Variants in GRB2 observed in about 807,000 individuals in gnomAD.
The protein encoded by GRB2 is growth factor receptor-bound protein 2.
GRB2 carries 2 observed loss-of-function variants against 27.4 expected under a neutral mutation model. The observed-to-expected ratio is 0.07, with a 90% CI of 0.03 to 0.23. The LOEUF is 0.23. Ranked by LOEUF, GRB2 falls within the 10% of genes least tolerant of loss-of-function variation. The probability of loss-of-function intolerance (pLI) is 1.00; values close to 1 mark genes in which losing one functional copy is unlikely to be tolerated. For synonymous variants in GRB2, 94 were observed against 99.6 expected (o/e 0.94, Z 0.33); for missense variants, 102 against 282.4 (o/e 0.36, Z 4.58).
intron 2 of GRB2, among the ~76,000 whole-genome samples, chr17:75,347,750 C>G (rs1320254648): frequency 6.6e-6 from 1 of 152,200 alleles, no homozygotes; most frequent in Non-Finnish European, 1.5e-5. Context: ...TGAGCTGGTG[C>G]GCAACCAAGA....
chr17:75,339,051 C>G, intron 2 of GRB2: 1 of 1,292,226 alleles, frequency 7.7e-7, no homozygotes, highest in Non-Finnish European at 1.1e-6. Context: ...GCGTTGAGCC[C>G]AACTGCAGAT....
intron 2 of GRB2, chr17:75,372,720 C>T (rs1179190407): frequency 1.3e-5 from 2 of 152,144 alleles, no homozygotes; most frequent in Non-Finnish European, 2.9e-5. Context: ...AATTTTTAGC[C>T]TAATATAAAT....
At position 75,388,583 on chromosome 17, in the gene GRB2, TG is replaced by T. The variant is rs59379896; in HGVS notation, c.78+4967del. 2.2e-3 allele frequency among the ~76,000 whole-genome samples: 189 copies of T among 86,266 alleles called. 3 individuals are homozygous for T. The highest frequency in any genetic ancestry group is 5.0e-3 in the African/African-American group (113 of 22,532). 56.6% of individuals were successfully genotyped at this position (86,266 alleles called of 152,430 possible). A position where few individuals can be genotyped will look rare whatever the true frequency, so the allele number is the denominator to read the frequency against. ...TACTGATACTAGGACTTTAAAATAG[TG>T]GGGGGGGGGAAGAAAAACACTTTTT... is the stretch of plus-strand genomic sequence containing the variant. On this transcript the variant is annotated intron_variant, in intron 2 of 5. Coordinates refer to ENST00000316804, the MANE Select transcript of GRB2 (RefSeq NM_002086.5).
intron 2 of GRB2, among the ~76,000 whole-genome samples, chr17:75,351,694 CAAAGAG>C (rs1023202210): frequency 6.6e-5 from 10 of 151,632 alleles, no homozygotes; most frequent in East Asian, 1.9e-4. Context: ...TAAACAAAGA[CAAAGAG>C]AAAGAAAATA....
At chr17:75,332,883 A>C (rs1326814846) in intron 2 of GRB2, 86 bp from the exon 3 acceptor site, 2 of 846,822 alleles carry the variant, frequency 2.4e-6, no homozygotes, top group African/African-American at 3.4e-5. Flanking sequence ...GCTATCTTTT[A>C]GGTCTGTGAA....
chr17:75,336,891 C>G lies in GRB2; in HGVS notation c.79-4094G>C, dbSNP rs1411799362. 2.6e-5 allele frequency among the ~76,000 whole-genome samples: 4 copies of G among 152,112 alleles called. No homozygotes were observed. The East Asian group carries it at 7.7e-4, about 29-fold the overall frequency. The stretch of plus-strand genomic sequence containing the variant: ...TAGCTGGGATTACAGGCATGCGCCA[C>G]TATACCCAGCTGATTTTTGTACTTT... On this transcript the variant is annotated intron_variant, in intron 2 of 5. Coordinates refer to ENST00000316804, the MANE Select transcript of GRB2 (RefSeq NM_002086.5).
intron 2 of GRB2, among the ~76,000 whole-genome samples, chr17:75,390,882 A>G (rs1445970887): frequency 3.3e-5 from 5 of 152,240 alleles, no homozygotes; most frequent in African/African-American, 4.8e-5. Flanking sequence ...GAAGGCATAT[A>G]TATGCCTATT....
chr17:75,327,433 C>T (rs376227919), intron 3 of GRB2, among the ~76,000 whole-genome samples: 4 of 147,288 alleles, frequency 2.7e-5, no homozygotes, highest in South Asian at 2.2e-4. Context: ...TGCAGTGGCA[C>T]GATCTCGGCT....
chr17:75,349,405 C>T (rs2078674753), intron 2 of GRB2, among the ~76,000 whole-genome samples: 1 of 151,902 alleles, frequency 6.6e-6, no homozygotes, highest in Admixed American at 6.6e-5. Context: ...CCTGCTAAGG[C>T]TGTAAAACCT....
chr17:75,359,909 GTGTT>G (rs1267881368), intron 2 of GRB2, among the ~76,000 whole-genome samples: 1 of 151,546 alleles, frequency 6.6e-6, no homozygotes, highest in Non-Finnish European at 1.5e-5. Flanking sequence ...CATTCAATAA[GTGTT>G]TGACTTGTCT....
intron 3 of GRB2, among the ~76,000 whole-genome samples, chr17:75,327,959 G>C (rs1290349034): frequency 2.6e-5 from 4 of 152,040 alleles, no homozygotes; most frequent in Non-Finnish European, 2.9e-5. Context: ...TCAAGGCTAG[G>C]GCCTGCAGTG....
At chr17:75,323,768 A>G (rs190161609) in intron 4 of GRB2, among the ~76,000 whole-genome samples, 72 of 151,882 alleles carry the variant, frequency 4.7e-4, no homozygotes, top group Admixed American at 2.0e-3. Flanking sequence ...GTCAGTATAA[A>G]ACTAAAGAAA....
chr17:75,321,169 C>CTTTTTTT (rs61287852), intron 5 of GRB2, among the ~76,000 whole-genome samples: 9 of 120,064 alleles, frequency 7.5e-5, no homozygotes, highest in Admixed American at 1.7e-4. Flanking sequence ...AACAACAAAT[C>CTTTTTTT]TTTTTTTTTT....
intron 2 of GRB2, among the ~76,000 whole-genome samples, chr17:75,333,959 G>A (rs1266592163): frequency 6.6e-6 from 1 of 152,114 alleles, no homozygotes; most frequent in Admixed American, 6.6e-5. Context: ...TCTCTCCAAT[G>A]CTGCCTCTTG....
intron 4 of GRB2, among the ~76,000 whole-genome samples, chr17:75,323,245 G>A (rs1050538655): frequency 3.9e-5 from 6 of 152,048 alleles, no homozygotes; most frequent in Non-Finnish European, 7.4e-5. Context: ...AATCCGGCAG[G>A]TGGCAGCACT....
chr17:75,322,984 T>C (rs1048570175), intron 4 of GRB2, among the ~76,000 whole-genome samples: 34 of 152,094 alleles, frequency 2.2e-4, no homozygotes, highest in Admixed American at 8.5e-4. Context: ...CCAGGTGTGG[T>C]GGCAGATGCC....
chr17:75,334,678 A>T (rs1405147093), intron 2 of GRB2, among the ~76,000 whole-genome samples: 1 of 152,128 alleles, frequency 6.6e-6, no homozygotes, highest in East Asian at 1.9e-4. Flanking sequence ...GCTGGCTCAA[A>T]CCTGTAATCC....
intron 1 of GRB2, among the ~76,000 whole-genome samples, chr17:75,398,145 A>G (rs1416749359): frequency 6.6e-6 from 1 of 151,844 alleles, no homozygotes; most frequent in East Asian, 1.9e-4. Flanking sequence ...TTTAAATGTT[A>G]CTCTATTTAA....
chr17:75,391,234 T>C (rs758420273), intron 2 of GRB2, among the ~76,000 whole-genome samples: 1 of 152,152 alleles, frequency 6.6e-6, no homozygotes. Flanking sequence ...CATATCTCAG[T>C]TATCTACCAA....
Sources: allele counts gnomAD v4.1 joint callset (sites outside exome capture counted in the v4.1 genomes callset), GRCh38; gene constraint gnomAD v4.1.1; transcripts MANE v1.5; gene names NCBI Gene and HGNC (gene_info 2026-07-23, HGNC 2026-07-21).